The following TSHZ3 variants were observed in gnomAD, a reference collection of about 807,000 sequenced individuals.
TSHZ3 encodes the protein teashirt homolog 3.
Under a neutral mutation model 64.5 loss-of-function variants are expected in TSHZ3, and 10 were observed. That is an observed-to-expected ratio of 0.16 (90% CI 0.10 to 0.26). The LOEUF is 0.26. Ranked by LOEUF, TSHZ3 falls within the 10% of genes least tolerant of loss-of-function variation. The pLI is 1.00. For missense variants in TSHZ3, 1,242 were observed against 1,421.7 expected, an observed-to-expected ratio of 0.87 and a Z score of 2.03; for synonymous variants, 608 against 593.1, an observed-to-expected ratio of 1.03 and a Z score of -0.36.
At chr19:31,153,890 A>G (rs985437337) in intron 6 of TSHZ3, among the ~76,000 whole-genome samples, 2 of 152,222 alleles carry the variant, frequency 1.3e-5, no homozygotes, top group African/African-American at 2.4e-5. Context: ...ATTGGCCCCA[A>G]TTCTCAGCCT....
intron 1 of TSHZ3, among the ~76,000 whole-genome samples, chr19:31,257,349 C>A (rs1385629480): frequency 6.6e-6 from 1 of 152,208 alleles, no homozygotes; most frequent in Non-Finnish European, 1.5e-5. Context: ...CCTTTGGTGC[C>A]TTAGCCTGAG....
intron 3 of TSHZ3, among the ~76,000 whole-genome samples, chr19:31,239,346 G>C (rs1041992305): frequency 2.6e-5 from 4 of 152,046 alleles, no homozygotes; most frequent in African/African-American, 9.7e-5. Flanking sequence ...TATATTTACA[G>C]ACTCATTTCC....
At chr19:31,344,738 G>A (rs965462616) in intron 1 of TSHZ3, among the ~76,000 whole-genome samples, 5 of 152,206 alleles carry the variant, frequency 3.3e-5, no homozygotes, top group African/African-American at 7.2e-5. Context: ...AGTGGAGGGC[G>A]GCGGTAAAGG....
intron 1 of TSHZ3, among the ~76,000 whole-genome samples, chr19:31,294,848 G>C (rs1976636214): frequency 6.6e-6 from 1 of 152,170 alleles, no homozygotes; most frequent in African/African-American, 2.4e-5. Context: ...ACAGAAAAGA[G>C]AGAGAGAAAA....
intron 1 of TSHZ3, among the ~76,000 whole-genome samples, chr19:31,302,043 A>G (rs1339447318): frequency 6.6e-6 from 1 of 152,154 alleles, no homozygotes; most frequent in Non-Finnish European, 1.5e-5. Flanking sequence ...ACCTGAAGAC[A>G]TTCCTTACAC....
intron 1 of TSHZ3, among the ~76,000 whole-genome samples, chr19:31,315,960 G>A (rs564207101): frequency 6.6e-6 from 1 of 152,188 alleles, no homozygotes; most frequent in South Asian, 2.1e-4. Context: ...CACAGAGAAG[G>A]GTTTAGTCAC....
intron 1 of TSHZ3, among the ~76,000 whole-genome samples, chr19:31,292,761 T>C (rs866748093): frequency 1.5e-5 from 2 of 129,896 alleles, no homozygotes; most frequent in South Asian, 2.4e-4. Context: ...CATCCATCCA[T>C]CCATCCACCC....
chr19:31,310,724 C>A (rs958926534), intron 1 of TSHZ3, among the ~76,000 whole-genome samples: 1 of 152,216 alleles, frequency 6.6e-6, no homozygotes, highest in Non-Finnish European at 1.5e-5. Context: ...GAGCAAGCTA[C>A]AAAACCTCTC....
intron 1 of TSHZ3, 49 bp downstream of exon 1, chr19:31,349,131 G>A: frequency 6.5e-7 from 1 of 1,530,556 alleles, no homozygotes; most frequent in East Asian, 2.5e-5. Context: ...CGCGGGGCGA[G>A]CGGAGGAAGA....
chr19:31,222,153 G>C (rs977947791), intron 4 of TSHZ3, among the ~76,000 whole-genome samples: 2 of 152,188 alleles, frequency 1.3e-5, no homozygotes, highest in Non-Finnish European at 2.9e-5. Context: ...TCTATAGCTA[G>C]ACTGTAAGAA....
chr19:31,189,125 A>G (rs576799950), intron 5 of TSHZ3, among the ~76,000 whole-genome samples: 6 of 151,758 alleles, frequency 4.0e-5, no homozygotes, highest in Non-Finnish European at 4.4e-5. Flanking sequence ...CATCCTTTTT[A>G]TTACCAACCC....
At chr19:31,256,068 C>T (rs1212519753) in intron 1 of TSHZ3, among the ~76,000 whole-genome samples, 1 of 152,148 alleles carries the variant, frequency 6.6e-6, no homozygotes, top group Non-Finnish European at 1.5e-5. Flanking sequence ...TCTTCATCAA[C>T]ACAAGCATGC....
intron 1 of TSHZ3, among the ~76,000 whole-genome samples, chr19:31,321,237 G>C (rs1916760748): frequency 6.6e-6 from 1 of 152,186 alleles, no homozygotes; most frequent in Non-Finnish European, 1.5e-5. Context: ...TCATTCCAAG[G>C]TGGAGGTGGG....
chr19:31,257,940 CA>C (rs1975933498), intron 1 of TSHZ3, among the ~76,000 whole-genome samples: 1 of 152,186 alleles, frequency 6.6e-6, no homozygotes. Flanking sequence ...AACTTGGAGC[CA>C]AGCATTCCAG....
At chr19:31,245,927 C>T (rs1599602849) in intron 1 of TSHZ3, among the ~76,000 whole-genome samples, 1 of 152,190 alleles carries the variant, frequency 6.6e-6, no homozygotes, top group South Asian at 2.1e-4. Flanking sequence ...TACTTCTCTG[C>T]AGCAACTCTA....
chr19:31,349,078 G>C, intron 1 of TSHZ3, 102 bp downstream of exon 1: 2 of 1,438,980 alleles, frequency 1.4e-6, no homozygotes, highest in South Asian at 1.3e-5. Context: ...ACTCAGTGCG[G>C]GCAGAAGAGC....
rs768005497 is a variant in TSHZ3 at position 31,277,622 on chromosome 19, G to T, written c.2171C>A (p.Ala724Asp). The change falls in exon 2 of 2, where the codon GCC becomes GAC. Residue 724 changes from alanine to aspartate, a missense_variant. Physicochemically the swap from Ala to Asp is moderately radical, Grantham distance 126. Coordinates refer to ENST00000240587, the MANE Select transcript of TSHZ3 (RefSeq NM_020856.4). The surrounding 1 kb of genome is among the most constrained non-coding windows in gnomAD (Gnocchi z 4.5). ...GTGAATGTTCATGACTGACTGCAGGGCGCTCAAAGGGTTAACAAAAGGCTG... is the reference window on the plus strand; with the variant it reads ...GTGAATGTTCATGACTGACTGCAGGTCGCTCAAAGGGTTAACAAAAGGCTG... ...PEQPFVNPLS[A>D]LQSVMNIHLG... is the part of the protein sequence containing the mutation. 6.4e-7 allele frequency: 1 copy of T among 1,571,382 alleles called. No homozygotes were observed.
rs776184849 is a variant in TSHZ3, at chr19:31,278,853, C to A, written c.940G>T (p.Ala314Ser). ...TTCCGAGTGGCAGGGATGATTTTGGCGGCGACAGGAGTGACGGGTTCCTTC... is the reference window on the plus strand; with the variant it reads ...TTCCGAGTGGCAGGGATGATTTTGGAGGCGACAGGAGTGACGGGTTCCTTC... ...PLKEPVTPVA[A>S]KIIPATRKKA... Residue 314 changes from alanine (A) to serine (S), a missense_variant, in exon 2 of 2, where the codon GCC (alanine) becomes TCC (serine). Physicochemically the swap from Ala to Ser is moderately conservative, Grantham distance 99 (BLOSUM62 1). Around this residue, in one of 4 missense-constraint regions of TSHZ3, gnomAD observed 555 missense variants for 704.0 expected, o/e 0.79. Transcript: ENST00000240587. The surrounding 1 kb of genome is among the most constrained non-coding windows in gnomAD (Gnocchi z 4.7). 18 of 1,613,860 alleles carry A rather than the reference C, an allele frequency of 1.1e-5. No individual in the cohort carries two copies. Among genetic ancestry groups the A allele is most frequent in the Admixed American group, 1.7e-5 (1 of 59,996 alleles).
intron 5 of TSHZ3, among the ~76,000 whole-genome samples, chr19:31,162,961 A>G (rs1974389755): frequency 6.6e-6 from 1 of 152,190 alleles, no homozygotes; most frequent in Admixed American, 6.5e-5. Context: ...TGAATCACAC[A>G]GCAGCCAATA....
Sources: gnomAD v4.1 joint callset for allele counts (sites outside exome capture counted in the v4.1 genomes callset) on GRCh38, gnomAD v4.1.1 for gene constraint, gnomAD v4.1.1 regional missense constraint, Gnocchi (gnomAD v3.1) non-coding constraint, MANE v1.5 for transcripts, NCBI Gene and HGNC (gene_info 2026-07-23, HGNC 2026-07-21) for gene names.